The following DCDC1 variants were observed in gnomAD, a reference collection of about 807,000 sequenced individuals.
DCDC1 encodes the protein doublecortin domain-containing protein 1.
Under a neutral mutation model 178.3 loss-of-function variants are expected in DCDC1, and 200 were observed. That is an observed-to-expected ratio of 1.12 (90% CI 1.00 to 1.26). DCDC1 has a LOEUF of 1.26. DCDC1 is among the 50% of genes most tolerant of loss of function. The pLI is 0.00. For missense variants in DCDC1, 1,983 were observed against 1,749.2 expected, an observed-to-expected ratio of 1.13 and a Z score of -2.38; for synonymous variants, 690 against 604.8, an observed-to-expected ratio of 1.14 and a Z score of -2.07.
At chr11:30,950,909 CTAAT>C (rs1177548024) in intron 21 of DCDC1, among the ~76,000 whole-genome samples, 5 of 152,002 alleles carry the variant, frequency 3.3e-5, no homozygotes, top group Middle Eastern at 3.4e-3. Flanking sequence ...GATGGATACT[CTAAT>C]TACTCTGATT....
intron 21 of DCDC1, among the ~76,000 whole-genome samples, chr11:30,946,597 A>T (rs1948070174): frequency 6.6e-6 from 1 of 152,188 alleles, no homozygotes. Context: ...TTCATGATCA[A>T]AAGTGCTGCA....
chr11:31,038,487 G>A (rs966657732), intron 20 of DCDC1, among the ~76,000 whole-genome samples: 1 of 152,142 alleles, frequency 6.6e-6, no homozygotes, highest in Non-Finnish European at 1.5e-5. Context: ...AACAAGACTT[G>A]AGGAGACTCT....
At chr11:30,937,157 C>T (rs888973651) in intron 21 of DCDC1, among the ~76,000 whole-genome samples, 1 of 152,080 alleles carries the variant, frequency 6.6e-6, no homozygotes, top group Non-Finnish European at 1.5e-5. Flanking sequence ...AAGAGTGACC[C>T]CTCAATTTGT....
chr11:31,308,827 G>C (rs1487936868), intron 3 of DCDC1, among the ~76,000 whole-genome samples: 3 of 152,116 alleles, frequency 2.0e-5, no homozygotes, highest in African/African-American at 7.2e-5. Context: ...AGGATAGTCA[G>C]GTTCCATGTA....
At chr11:30,915,764 C>A in intron 26 of DCDC1, 53 bp from the exon 27 acceptor site, 1 of 1,547,106 alleles carries the variant, frequency 6.5e-7, no homozygotes. Context: ...TGCACTTGAT[C>A]ATGCACTTGA....
At chr11:31,216,418 G>A (rs2136620372) in intron 9 of DCDC1, among the ~76,000 whole-genome samples, 1 of 152,172 alleles carries the variant, frequency 6.6e-6, no homozygotes, top group East Asian at 1.9e-4. Context: ...ATACTACTCT[G>A]CACTCTTGAG....
chr11:30,912,175 C>A (rs1169679789), intron 27 of DCDC1, among the ~76,000 whole-genome samples: 2 of 152,206 alleles, frequency 1.3e-5, no homozygotes, highest in Non-Finnish European at 2.9e-5. Flanking sequence ...GAGCCCCCAG[C>A]TGCAAGAAAG....
intron 4 of DCDC1, 38 bp downstream of exon 4, chr11:31,307,601 A>G: frequency 6.2e-7 from 1 of 1,605,226 alleles, no homozygotes; most frequent in South Asian, 1.1e-5. Context: ...AAGAACTTCA[A>G]CAATAGGTTA....
intron 6 of DCDC1, among the ~76,000 whole-genome samples, chr11:31,297,833 T>C (rs1947808520): frequency 6.6e-6 from 1 of 152,228 alleles, no homozygotes. Context: ...ACCTTTGACC[T>C]TAATGGCCCA....
intron 38 of DCDC1, among the ~76,000 whole-genome samples, chr11:30,873,233 A>G (rs2133932689): frequency 6.6e-6 from 1 of 150,678 alleles, no homozygotes; most frequent in Middle Eastern, 3.5e-3. Context: ...AAAATCCACA[A>G]TGGGATTTAT....
intron 34 of DCDC1, among the ~76,000 whole-genome samples, chr11:30,894,601 T>C (rs1944056491): frequency 6.6e-6 from 1 of 152,200 alleles, no homozygotes; most frequent in African/African-American, 2.4e-5. Context: ...TTCATATACA[T>C]ACTCTACAGG....
rs147185014 is a variant in DCDC1, at chr11:30,997,908, G to A, written c.2592-45340C>T. Among the ~76,000 whole-genome samples the A allele has an allele frequency of 2.1e-3, 322 of 152,044 alleles. 9 individuals carry two copies. The South Asian group carries it at 0.039, about 19-fold the overall frequency. On this transcript the variant is annotated intron_variant, in intron 20 of 38. Transcript: ENST00000684477. ...CTCCAATAAGGAGATTAAGACTTCT[G>A]AACAAAATAGCTGATTCTATATTGC...
At chr11:31,278,867 G>C (rs922518277) in intron 7 of DCDC1, among the ~76,000 whole-genome samples, 1 of 151,858 alleles carries the variant, frequency 6.6e-6, no homozygotes, top group Admixed American at 6.6e-5. Context: ...AAAGAAATCA[G>C]GTAGTATAAA....
chr11:31,194,085 C>G (rs1343737199), intron 9 of DCDC1, among the ~76,000 whole-genome samples: 1 of 152,058 alleles, frequency 6.6e-6, no homozygotes, highest in East Asian at 1.9e-4. Context: ...ACTGAATGTT[C>G]TTAGCCCCAG....
chr11:30,886,119 GAA>G (rs994490323), intron 36 of DCDC1, among the ~76,000 whole-genome samples: 1 of 149,590 alleles, frequency 6.7e-6, no homozygotes, highest in Non-Finnish European at 1.5e-5. Context: ...GATCACAAAG[GAA>G]AAAAAAATTA....
intron 20 of DCDC1, among the ~76,000 whole-genome samples, chr11:31,022,473 AGGTACTGGG>A (rs113884128): frequency 0.015 from 2,283 of 152,200 alleles, 44 homozygotes; most frequent in African/African-American, 0.052. Context: ...TTTCCACATG[AGGTACTGGG>A]GGTTATAACT....
intron 13 of DCDC1, among the ~76,000 whole-genome samples, chr11:31,106,122 C>T (rs562265122): frequency 2.7e-4 from 41 of 152,280 alleles, no homozygotes; most frequent in African/African-American, 9.9e-4. Flanking sequence ...TTCAGAAACA[C>T]AGATAATTTT....
At chr11:30,975,825 T>A (rs1950071813) in intron 20 of DCDC1, among the ~76,000 whole-genome samples, 1 of 151,898 alleles carries the variant, frequency 6.6e-6, no homozygotes, top group Admixed American at 6.6e-5. Context: ...CCTATCAAAG[T>A]GCCAATGTCA....
intron 20 of DCDC1, among the ~76,000 whole-genome samples, chr11:31,019,698 A>G (rs1198172024): frequency 6.6e-6 from 1 of 152,120 alleles, no homozygotes; most frequent in Non-Finnish European, 1.5e-5. Context: ...CTGCCCTTAA[A>G]ATCAAATCCA....
Sources: allele counts gnomAD v4.1 joint callset (sites outside exome capture counted in the v4.1 genomes callset), GRCh38; gene constraint gnomAD v4.1.1; transcripts MANE v1.5; gene names NCBI Gene and HGNC (gene_info 2026-07-23, HGNC 2026-07-21).